The following ATF7IP2 variants were observed in gnomAD, a reference collection of about 807,000 sequenced individuals.
ATF7IP2 encodes the protein activating transcription factor 7 interacting protein 2.
A neutral mutation model predicts 64.2 loss-of-function variants in ATF7IP2; 42 were observed. That is an observed-to-expected ratio of 0.65 (90% CI 0.51 to 0.85). The LOEUF (loss-of-function observed/expected upper bound fraction) is 0.85, where lower values mean the gene tolerates loss of function less well. ATF7IP2 is among the 40% of genes least tolerant of loss of function. The pLI, the probability that ATF7IP2 is intolerant of heterozygous loss-of-function variation, is 0.00. For missense variants in ATF7IP2, 933 were observed against 784.2 expected (o/e 1.19, Z -2.27); for synonymous variants, 308 against 272.8 (o/e 1.13, Z -1.27).
rs1039901630 is a variant in ATF7IP2 at position 10,483,145 on chromosome 16, T to G, written c.*896T>G. On this transcript the variant is annotated 3_prime_UTR_variant, in exon 14 of 14. Transcript: ENST00000562102. ...TTGTCAATCATTTGGGGAAATAGCC[T>G]GGAGGTCTTTCCTGAATCTGTTTGT... The G allele has an allele frequency of 6.6e-6, 1 of 152,268 alleles. No homozygotes were observed. The highest frequency in any genetic ancestry group is 2.4e-5 in the African/African-American group (1 of 41,474). The allele number at this position is 152,268 out of a possible 1,614,324, so 9.4% of individuals were successfully genotyped here. A position where few individuals can be genotyped will look rare whatever the true frequency, so the allele number is the denominator to read the frequency against.
At chr16:10,441,706 C>G (rs765857866) in intron 8 of ATF7IP2, among the ~76,000 whole-genome samples, 27 of 152,184 alleles carry the variant, frequency 1.8e-4, no homozygotes, top group Non-Finnish European at 2.9e-4. Flanking sequence ...CCTGTTCACT[C>G]TGATGATAGT....
At chr16:10,478,136 A>C (rs534344745) in intron 12 of ATF7IP2, among the ~76,000 whole-genome samples, 13 of 151,208 alleles carry the variant, frequency 8.6e-5, no homozygotes, top group Non-Finnish European at 1.9e-4. Flanking sequence ...CTTTCTTCAC[A>C]GAATTGGAAA....
intron 3 of ATF7IP2, among the ~76,000 whole-genome samples, chr16:10,424,409 A>T (rs997397296): frequency 6.6e-6 from 1 of 152,198 alleles, no homozygotes; most frequent in Non-Finnish European, 1.5e-5. Context: ...GCACTTATAA[A>T]ACTTTAAAAT....
At chr16:10,392,459 G>C (rs903044677) in intron 1 of ATF7IP2, among the ~76,000 whole-genome samples, 1 of 151,654 alleles carries the variant, frequency 6.6e-6, no homozygotes, top group African/African-American at 2.4e-5. Context: ...CTCCCAGCTG[G>C]TTCTACCTCA....
At chr16:10,414,658 T>G (rs1348551449) in intron 2 of ATF7IP2, 46 bp downstream of exon 2, 5 of 52,020 alleles carry the variant, frequency 9.6e-5, no homozygotes, top group African/African-American at 5.0e-4. Context: ...TGTGTGTGTG[T>G]GTGTTTGGGC....
intron 8 of ATF7IP2, among the ~76,000 whole-genome samples, chr16:10,455,724 A>G (rs936982188): frequency 1.3e-5 from 2 of 152,222 alleles, no homozygotes; most frequent in African/African-American, 4.8e-5. Context: ...TTAAAAGGAA[A>G]TGAGCACAGT....
rs780326634 is a variant in ATF7IP2 at position 10,431,422 on chromosome 16, A to G, written c.802A>G (p.Thr268Ala). 4 of 1,607,026 alleles carry G rather than the reference A, an allele frequency of 2.5e-6. No homozygotes were observed. Reference sequence around the variant, plus strand: ...TTCAAATTGTGAAAGTGCAGACTCAACATGGCAGTCATCACTTGACACTAA... The same window carrying G: ...TTCAAATTGTGAAAGTGCAGACTCAGCATGGCAGTCATCACTTGACACTAA... The part of the protein sequence containing the change: ...SISNCESADS[T>A]WQSSLDTNNN... Residue 268 changes from threonine to alanine, a missense_variant, in exon 5 of 14, where the codon ACA (threonine) becomes GCA (alanine). By Grantham distance (58) the Thr-to-Ala change is moderately conservative (BLOSUM62 0). Coordinates refer to ENST00000562102, the MANE Select transcript of ATF7IP2 (RefSeq NM_001393719.1).
At chr16:10,416,675 T>C (rs2047886556) in intron 2 of ATF7IP2, among the ~76,000 whole-genome samples, 1 of 152,114 alleles carries the variant, frequency 6.6e-6, no homozygotes, top group Admixed American at 6.6e-5. Flanking sequence ...TGGGCACCTG[T>C]AATCCCTGCT....
intron 3 of ATF7IP2, among the ~76,000 whole-genome samples, chr16:10,424,556 C>T (rs538361636): frequency 2.6e-5 from 4 of 152,240 alleles, no homozygotes; most frequent in Admixed American, 2.6e-4. Flanking sequence ...GAAAGACAAT[C>T]CATATAATGC....
intron 9 of ATF7IP2, among the ~76,000 whole-genome samples, chr16:10,470,312 A>T (rs148706229): frequency 1.3e-5 from 2 of 152,162 alleles, no homozygotes; most frequent in Non-Finnish European, 2.9e-5. Context: ...AACATAATAT[A>T]TTTAGGGATA....
rs560506556 is a variant in ATF7IP2, at chr16:10,481,751, A to T, written c.1636-85A>T. 155 of 1,161,204 alleles carry T rather than the reference A, an allele frequency of 1.3e-4. 1 individual carries two copies. The African/African-American group carries it at 2.0e-3, about 15-fold the overall frequency. The allele number at this position is 1,161,204 out of a possible 1,614,324, so 71.9% of individuals were successfully genotyped here. Reference sequence around the variant, plus strand: ...AAATATCCTTTTATTATTTTGATAAATGGATTGAAGAATGAGAAATATATA... The same window carrying T: ...AAATATCCTTTTATTATTTTGATAATTGGATTGAAGAATGAGAAATATATA... On this transcript the variant is annotated intron_variant, in intron 13 of 13. Transcript: ENST00000562102.
chr16:10,478,836 C>T (rs1316603806), intron 12 of ATF7IP2, among the ~76,000 whole-genome samples: 5 of 152,096 alleles, frequency 3.3e-5, no homozygotes, highest in African/African-American at 4.8e-5. Flanking sequence ...AAAAAGTAGG[C>T]GAAGGACATG....
intron 9 of ATF7IP2, among the ~76,000 whole-genome samples, chr16:10,463,617 C>A (rs1316455828): frequency 6.6e-6 from 1 of 152,162 alleles, no homozygotes; most frequent in Non-Finnish European, 1.5e-5. Context: ...TTGGTGACTA[C>A]AGCACCTGCC....
intron 2 of ATF7IP2, among the ~76,000 whole-genome samples, chr16:10,416,346 G>T (rs1478201322): frequency 1.3e-5 from 2 of 152,196 alleles, no homozygotes; most frequent in Non-Finnish European, 2.9e-5. Context: ...AATAAGCCAG[G>T]CACAGAAAGG....
chr16:10,445,418 G>A (rs1596535137), intron 8 of ATF7IP2: 2 of 152,302 alleles, frequency 1.3e-5, no homozygotes, highest in Admixed American at 1.3e-4. Context: ...GATCTGCAAG[G>A]TTATTTCCTT....
chr16:10,475,051 T>A (rs1437005821), intron 12 of ATF7IP2, among the ~76,000 whole-genome samples: 1 of 152,058 alleles, frequency 6.6e-6, no homozygotes, highest in South Asian at 2.1e-4. Flanking sequence ...AAATTAAAAT[T>A]TTTCAGATCA....
intron 1 of ATF7IP2, among the ~76,000 whole-genome samples, chr16:10,401,537 T>C (rs1567427375): frequency 1.3e-5 from 2 of 152,150 alleles, no homozygotes; most frequent in Non-Finnish European, 2.9e-5. Flanking sequence ...CATTTATGTT[T>C]ATCAGGGATA....
rs775862698 is a variant in ATF7IP2 at position 10,473,935 on chromosome 16, A to G, written c.1495A>G (p.Lys499Glu). The G allele has an allele frequency of 8.2e-6, 13 of 1,577,160 alleles. No homozygotes were observed. The highest frequency in any genetic ancestry group is 1.1e-5 in the Non-Finnish European group (13 of 1,155,332). ...ACAATTTTTTTAGGCTGTACAGAAG[A>G]AACTTGATTCTATAATTGATTTGAC... The part of the protein sequence containing the change: ...PNAEVMAVQK[K>E]LDSIIDLTKE... Residue 499 changes from lysine (K) to glutamate (E), a missense_variant, in exon 12 of 14, where the codon AAA (lysine) becomes GAA (glutamate). Transcript: ENST00000562102.
intron 3 of ATF7IP2, among the ~76,000 whole-genome samples, chr16:10,425,120 T>C (rs1040898462): frequency 1.7e-4 from 25 of 149,858 alleles, no homozygotes; most frequent in African/African-American, 5.7e-4. Context: ...GTGCAATGGC[T>C]CAATCTCGGC....
Sources: gnomAD v4.1 joint callset for allele counts (sites outside exome capture counted in the v4.1 genomes callset) on GRCh38, gnomAD v4.1.1 for gene constraint, MANE v1.5 for transcripts, NCBI Gene and HGNC (gene_info 2026-07-23, HGNC 2026-07-21) for gene names.